The following BUB1B variants were observed in gnomAD, a reference collection of about 807,000 sequenced individuals.
BUB1B encodes the protein mitotic checkpoint serine/threonine-protein kinase BUB1 beta.
A neutral mutation model predicts 137.7 loss-of-function variants in BUB1B; 86 were observed. That is an observed-to-expected ratio of 0.62 (90% confidence interval 0.52 to 0.75). The LOEUF (loss-of-function observed/expected upper bound fraction) is 0.75. Ranked by LOEUF, BUB1B falls within the 30% of genes least tolerant of loss-of-function variation. BUB1B has a pLI of 0.00. For missense variants in BUB1B, 1,130 were observed against 1,236.9 expected, an observed-to-expected ratio of 0.91 and a Z score of 1.30; for synonymous variants, 420 against 417.9, an observed-to-expected ratio of 1.00 and a Z score of -0.06.
intron 18 of BUB1B, among the ~76,000 whole-genome samples, chr15:40,211,931 T>G (rs1302990240): frequency 1.3e-5 from 2 of 152,166 alleles, no homozygotes; most frequent in Non-Finnish European, 2.9e-5. Flanking sequence ...CAAGCGATTC[T>G]CCTGTCTCAG....
intron 5 of BUB1B, among the ~76,000 whole-genome samples, chr15:40,183,053 T>C (rs2037313306): frequency 6.6e-6 from 1 of 152,140 alleles, no homozygotes; most frequent in African/African-American, 2.4e-5. Flanking sequence ...ACACCTGCAA[T>C]TTATTCTGGG....
intron 12 of BUB1B, among the ~76,000 whole-genome samples, chr15:40,201,327 TC>T (rs2037566476): frequency 1.3e-5 from 2 of 152,258 alleles, no homozygotes; most frequent in African/African-American, 4.8e-5. Context: ...AAATTGGTTT[TC>T]TTTTCTTCAA....
At chr15:40,165,997 C>T (rs112205396) in intron 2 of BUB1B, among the ~76,000 whole-genome samples, 8,818 of 152,144 alleles carry the variant, frequency 0.058, 828 homozygotes, top group African/African-American at 0.2. Context: ...GGATTACAGG[C>T]GTGCGCCGCC....
intron 1 of BUB1B, among the ~76,000 whole-genome samples, chr15:40,164,408 G>A (rs1444895962): frequency 2.0e-5 from 3 of 151,914 alleles, no homozygotes; most frequent in Non-Finnish European, 2.9e-5. Flanking sequence ...TTCACTTTTT[G>A]TAGAGATGGG....
chr15:40,173,965 A>G (rs879812842), intron 4 of BUB1B: 19 of 436,486 alleles, frequency 4.4e-5, no homozygotes, highest in Admixed American at 1.3e-4. Context: ...AACTTCTGGT[A>G]TTTTTATTTA....
At chr15:40,180,251 C>CT (rs34300396) in intron 5 of BUB1B, among the ~76,000 whole-genome samples, 3,891 of 90,430 alleles carry the variant, frequency 0.043, 308 homozygotes, top group African/African-American at 0.12. Context: ...CGTTTCGTTT[C>CT]TTTTTTTTTT....
intron 1 of BUB1B, among the ~76,000 whole-genome samples, chr15:40,161,516 G>A (rs1321339383): frequency 6.6e-6 from 1 of 152,232 alleles, no homozygotes; most frequent in Non-Finnish European, 1.5e-5. Flanking sequence ...TTTGGAAGTT[G>A]CAATGTTGTC....
intron 9 of BUB1B, among the ~76,000 whole-genome samples, chr15:40,199,092 A>G (rs1395115353): frequency 6.6e-6 from 1 of 152,218 alleles, no homozygotes; most frequent in African/African-American, 2.4e-5. Flanking sequence ...TTGTTAGCCT[A>G]GAATCTTTCC....
chr15:40,164,626 CTTCTT>C (rs778356716), intron 1 of BUB1B, among the ~76,000 whole-genome samples: 9 of 150,584 alleles, frequency 6.0e-5, no homozygotes, highest in Non-Finnish European at 1.2e-4. Flanking sequence ...CTTTTGTTCC[CTTCTT>C]TTCTTTCTGC....
intron 1 of BUB1B, among the ~76,000 whole-genome samples, chr15:40,162,203 G>A (rs192205160): frequency 1.4e-4 from 22 of 152,322 alleles, no homozygotes; most frequent in African/African-American, 5.1e-4. Context: ...CTATATCTGA[G>A]GAGAGTACAA....
chr15:40,190,157 A>G (rs1364832206), intron 8 of BUB1B, among the ~76,000 whole-genome samples: 2 of 152,228 alleles, frequency 1.3e-5, no homozygotes, highest in Admixed American at 6.5e-5. Context: ...TATCTTATAC[A>G]TGCACTGTGG....
Position 40,217,569 on chromosome 15 carries a change from C to G in BUB1B, c.2752C>G (p.Leu918Val), listed in dbSNP as rs145639700. Residue 918 changes from leucine to valine, a missense_variant, in exon 21 of 23, where the codon CTT becomes GTT. Transcript: ENST00000287598. ...AGTGGACTTTTCCTACAGTGTTGAC[C>G]TTAGGGTGCAGCTGGATGTTTTTAC... The part of the protein sequence containing the change: ...KIVDFSYSVD[L>V]RVQLDVFTLS... 3.2e-5 allele frequency: 52 copies of G among 1,613,918 alleles called. No individual in the cohort carries two copies. The highest frequency in any genetic ancestry group is 4.3e-5 in the Non-Finnish European group (51 of 1,179,988).
At chr15:40,198,918 A>G (rs978765164) in intron 9 of BUB1B, among the ~76,000 whole-genome samples, 2 of 152,244 alleles carry the variant, frequency 1.3e-5, no homozygotes, top group Non-Finnish European at 2.9e-5. Context: ...GCAAGACCCC[A>G]TCTCCAAAAA....
intron 5 of BUB1B, among the ~76,000 whole-genome samples, chr15:40,181,399 G>A (rs6492932): frequency 0.71 from 108,489 of 152,144 alleles, 39,548 homozygotes; most frequent in African/African-American, 0.83. Flanking sequence ...CCTAGATGTG[G>A]TTTTCTTTAC....
In BUB1B at chr15:40,204,172, C is replaced by A. The variant is rs561142070; in HGVS notation, c.1734+1478C>A. 3.3e-5 allele frequency among the ~76,000 whole-genome samples: 5 copies of A among 152,254 alleles called. No individual in the cohort carries two copies. In the South Asian group the frequency reaches 6.2e-4, roughly 19 times the overall value. On this transcript the variant is annotated intron_variant, in intron 14 of 22. Transcript: ENST00000287598. The stretch of plus-strand genomic sequence containing the variant: ...TTTGTGACTAACAGTGCTTAAGCCC[C>A]ATTCCATCTAGGTGCCATTGGAATT...
At chr15:40,206,144 T>G (rs762192436) in intron 14 of BUB1B, 40 bp from the exon 15 acceptor site, 5 of 1,609,514 alleles carry the variant, frequency 3.1e-6, no homozygotes, top group Non-Finnish European at 4.2e-6. Context: ...CTTCATGTAT[T>G]GAAATATTTT....
intron 5 of BUB1B, among the ~76,000 whole-genome samples, chr15:40,180,642 C>CTTTTTTTTTTTTTTTTTTTTTTTTTT (rs71132149): frequency 3.0e-5 from 2 of 65,836 alleles, no homozygotes; most frequent in Non-Finnish European, 2.7e-5. Flanking sequence ...TTTTCTTTTT[C>CTTTTTTTTTTTTTTTTTTTTTTTTTT]TTTTTTTTTT....
intron 21 of BUB1B, 123 bp downstream of exon 21, chr15:40,217,790 A>C (rs916454369): frequency 1.7e-6 from 2 of 1,173,492 alleles, no homozygotes; most frequent in African/African-American, 3.0e-5. Context: ...CTAGTTTTCA[A>C]ATATCACCAA....
chr15:40,184,215 T>C (rs1361488466), intron 6 of BUB1B, among the ~76,000 whole-genome samples: 2 of 152,166 alleles, frequency 1.3e-5, no homozygotes, highest in African/African-American at 4.8e-5. Context: ...ATGATACTAA[T>C]ATGGTTAAGA....
Sources: gnomAD v4.1 joint callset for allele counts (sites outside exome capture counted in the v4.1 genomes callset) on GRCh38, gnomAD v4.1.1 for gene constraint, MANE v1.5 for transcripts, NCBI Gene and HGNC (gene_info 2026-07-23, HGNC 2026-07-21) for gene names.